Variants in PAG1 observed in about 807,000 individuals in gnomAD.
PAG1 encodes phosphoprotein associated with glycosphingolipid-enriched microdomains 1.
Under a neutral mutation model 31.7 loss-of-function variants are expected in PAG1, and 23 were observed. That is an observed-to-expected ratio of 0.73 (90% CI 0.52 to 1.03). The LOEUF is 1.03. Among genes scored for constraint, PAG1 ranks in the 50% least tolerant of loss-of-function variants. The pLI is 0.00. For synonymous variants in PAG1, 214 were observed against 210.3 expected, an observed-to-expected ratio of 1.02 and a Z score of -0.15; for missense variants, 473 against 540.7, an observed-to-expected ratio of 0.87 and a Z score of 1.24.
chr8:81,034,766 C>T (rs142180953), intron 2 of PAG1, among the ~76,000 whole-genome samples: 78 of 152,256 alleles, frequency 5.1e-4, no homozygotes, highest in African/African-American at 1.8e-3. Flanking sequence ...TGGAAGACAC[C>T]TATTTAAAGA....
At chr8:81,022,638 T>C (rs989589680) in intron 3 of PAG1, among the ~76,000 whole-genome samples, 1 of 152,206 alleles carries the variant, frequency 6.6e-6, no homozygotes, top group African/African-American at 2.4e-5. Flanking sequence ...AAAATTGTAC[T>C]AATTTATAAT....
chr8:81,022,084 T>G (rs1808182645), intron 3 of PAG1, among the ~76,000 whole-genome samples: 1 of 152,216 alleles, frequency 6.6e-6, no homozygotes, highest in Non-Finnish European at 1.5e-5. Flanking sequence ...TTGCATCCCT[T>G]ATAGAAATGC....
At position 81,028,350 on chromosome 8, in the gene PAG1, T is replaced by C. The variant is rs1256187671; in HGVS notation, c.-81+1646A>G. Among the ~76,000 whole-genome samples, 5 of 152,250 alleles carry C rather than the reference T, an allele frequency of 3.3e-5. No homozygotes were observed. In the South Asian group the frequency reaches 8.3e-4, roughly 25 times the overall value. On this transcript the variant is annotated intron_variant, in intron 3 of 8. Coordinates refer to ENST00000220597, the MANE Select transcript of PAG1 (RefSeq NM_018440.4). ...ACCTCAATGCACATCTTTAAATGCG[T>C]CTTTTTTCTCTTATCTTTGGCAGCA...
chr8:80,982,598 C>CT (rs1807330828), intron 7 of PAG1, among the ~76,000 whole-genome samples: 2 of 152,200 alleles, frequency 1.3e-5, no homozygotes, highest in Non-Finnish European at 2.9e-5. Context: ...GGCCTTTCCT[C>CT]TTTACCCGGC....
intron 1 of PAG1, among the ~76,000 whole-genome samples, chr8:81,098,091 C>T (rs938726049): frequency 1.8e-4 from 28 of 152,166 alleles, no homozygotes; most frequent in African/African-American, 6.8e-4. Flanking sequence ...TCAAAATATT[C>T]ATTTACATTC....
chr8:80,985,205 T>A lies in PAG1; in HGVS notation c.447A>T (p.Arg149Ser). Residue 149 changes from arginine to serine, a missense_variant, in exon 7 of 9, where the codon AGA becomes AGT. Physicochemically the swap from Arg to Ser is moderately radical, Grantham distance 110. Coordinates refer to ENST00000220597, the MANE Select transcript of PAG1 (RefSeq NM_018440.4). ...CCAGCCCCTGGTCCCCGTCCACACT[T>A]CTCGCCGTGAGCATGGTATCCACTG... is the stretch of plus-strand genomic sequence containing the variant. The part of the protein sequence containing the change: ...ESAVDTMLTA[R>S]SVDGDQGLGM... 2 of 1,613,996 alleles carry A rather than the reference T, an allele frequency of 1.2e-6. No individual in the cohort carries two copies. The highest frequency in any genetic ancestry group is 1.7e-6 in the Non-Finnish European group (2 of 1,179,998).
chr8:81,058,014 G>A (rs933681723), intron 2 of PAG1, among the ~76,000 whole-genome samples: 1 of 152,118 alleles, frequency 6.6e-6, no homozygotes, highest in Non-Finnish European at 1.5e-5. Flanking sequence ...TGCCTTAAGG[G>A]AGGTATCAAA....
chr8:81,076,757 A>C (rs1002334084), intron 1 of PAG1, among the ~76,000 whole-genome samples: 1 of 152,206 alleles, frequency 6.6e-6, no homozygotes, highest in African/African-American at 2.4e-5. Context: ...AAAAAATTTT[A>C]ATGTGTTCTA....
At chr8:80,977,009 G>T in intron 8 of PAG1, 103 bp from the exon 9 acceptor site, 2 of 1,009,624 alleles carry the variant, frequency 2.0e-6, no homozygotes, top group Non-Finnish European at 1.5e-6. Flanking sequence ...TTCTGTGTGT[G>T]TACTCCTTAA....
intron 3 of PAG1, among the ~76,000 whole-genome samples, chr8:81,021,360 A>C (rs1808166467): frequency 1.3e-5 from 2 of 151,812 alleles, no homozygotes; most frequent in Non-Finnish European, 2.9e-5. Context: ...TACATGTGTT[A>C]CAATTAATGG....
intron 1 of PAG1, among the ~76,000 whole-genome samples, chr8:81,109,063 C>T (rs1176892388): frequency 1.3e-5 from 2 of 152,132 alleles, no homozygotes; most frequent in African/African-American, 2.4e-5. Flanking sequence ...AGTGTAAACT[C>T]TAACATCACA....
intron 2 of PAG1, among the ~76,000 whole-genome samples, chr8:81,052,717 G>T (rs983345741): frequency 6.6e-6 from 1 of 152,160 alleles, no homozygotes; most frequent in Non-Finnish European, 1.5e-5. Flanking sequence ...GGATTATTTT[G>T]TGTGAACAAA....
intron 3 of PAG1, among the ~76,000 whole-genome samples, chr8:81,002,799 T>A (rs1005580049): frequency 6.6e-6 from 1 of 152,182 alleles, no homozygotes; most frequent in African/African-American, 2.4e-5. Flanking sequence ...AAAACACACA[T>A]CCCTCCAAGT....
chr8:81,055,041 A>G (rs1212993197), intron 2 of PAG1, among the ~76,000 whole-genome samples: 2 of 152,046 alleles, frequency 1.3e-5, no homozygotes, highest in Non-Finnish European at 2.9e-5. Context: ...TGTCCAAGAC[A>G]CTAACTCATC....
intron 2 of PAG1, among the ~76,000 whole-genome samples, chr8:81,052,029 C>T (rs917564029): frequency 7.9e-5 from 12 of 150,972 alleles, no homozygotes; most frequent in Admixed American, 7.3e-4. Context: ...ACTCGGGAGG[C>T]TGAGGCAGGA....
intron 1 of PAG1, among the ~76,000 whole-genome samples, chr8:81,100,489 C>T (rs569097365): frequency 1.3e-5 from 2 of 152,224 alleles, no homozygotes; most frequent in African/African-American, 2.4e-5. Context: ...ATAGCAGCAT[C>T]CCTGGCCTCT....
chr8:81,090,277 C>G (rs1809424301), intron 1 of PAG1, among the ~76,000 whole-genome samples: 1 of 152,192 alleles, frequency 6.6e-6, no homozygotes, highest in African/African-American at 2.4e-5. Context: ...AACAAGAACA[C>G]ATCTATGGAG....
chr8:81,034,487 T>A (rs1406570013), intron 2 of PAG1, among the ~76,000 whole-genome samples: 2 of 152,206 alleles, frequency 1.3e-5, no homozygotes, highest in Admixed American at 6.5e-5. Context: ...ATACTTTATC[T>A]ATGTTGCAAT....
chr8:81,088,615 T>A (rs999890486), intron 1 of PAG1, among the ~76,000 whole-genome samples: 4 of 152,114 alleles, frequency 2.6e-5, no homozygotes, highest in Non-Finnish European at 5.9e-5. Context: ...TAGAAAATAG[T>A]GGGAAAGTAC....
Sources: allele counts gnomAD v4.1 joint callset (sites outside exome capture counted in the v4.1 genomes callset), GRCh38; gene constraint gnomAD v4.1.1; transcripts MANE v1.5; gene names NCBI Gene and HGNC (gene_info 2026-07-23, HGNC 2026-07-21).